DDC: variants seen among roughly 807,000 people sequenced by gnomAD.
DDC encodes aromatic-L-amino-acid decarboxylase.
DDC carries 43 observed loss-of-function variants against 60.0 expected under a neutral mutation model. The observed-to-expected ratio is 0.72, with a 90% CI of 0.56 to 0.92. DDC has a LOEUF of 0.92. Among genes scored for constraint, DDC ranks in the 40% least tolerant of loss-of-function variants. The pLI, the probability that DDC is intolerant of heterozygous loss-of-function variation, is 0.00. For missense variants in DDC, 573 were observed against 620.2 expected (o/e 0.92, Z 0.81); for synonymous variants, 232 against 234.6 (o/e 0.99, Z 0.10).
intron 6 of DDC, among the ~76,000 whole-genome samples, chr7:50,518,714 C>T (rs566961687): frequency 1.9e-4 from 29 of 152,330 alleles, no homozygotes; most frequent in African/African-American, 5.3e-4. Flanking sequence ...GCATCCTCAT[C>T]TCTCACCTTA....
intron 8 of DDC, among the ~76,000 whole-genome samples, chr7:50,496,620 G>C (rs1422294061): frequency 7.9e-5 from 12 of 152,154 alleles, no homozygotes; most frequent in African/African-American, 2.9e-4. Context: ...TCAAATGCAT[G>C]TCCTGGTTTA....
intron 6 of DDC, among the ~76,000 whole-genome samples, chr7:50,514,605 A>G (rs896226159): frequency 2.0e-5 from 3 of 152,238 alleles, no homozygotes; most frequent in Non-Finnish European, 2.9e-5. Flanking sequence ...AAGAGGAGAA[A>G]TATTCAAGGA....
rs10574868 is a variant in DDC, at chr7:50,537,037, G to GTTTTT, written c.435+818_435+822dup. ...AGTTCATATTCCATGCTAGGAAGTT[G>GTTTTT]TTTTTTTTTTTTTTTTTTAATGCAT... On this transcript the variant is annotated intron_variant, in intron 4 of 14. Transcript: ENST00000444124. Among the ~76,000 whole-genome samples the GTTTTT allele has an allele frequency of 1.7e-3, 235 of 140,384 alleles. 2 individuals are homozygous for GTTTTT. Among genetic ancestry groups the GTTTTT allele is most frequent in the South Asian group, 0.011 (46 of 4,266 alleles). 92.1% of individuals were successfully genotyped at this position (140,384 alleles called of 152,430 possible). A position where few individuals can be genotyped will look rare whatever the true frequency, so the allele number is the denominator to read the frequency against.
chr7:50,469,181 T>C (rs2042471137), intron 12 of DDC, among the ~76,000 whole-genome samples: 1 of 148,206 alleles, frequency 6.7e-6, no homozygotes, highest in South Asian at 2.1e-4. Flanking sequence ...CCTGACTTCA[T>C]GATCTGCCCA....
At chr7:50,466,272 G>A (rs898815582) in intron 13 of DDC, among the ~76,000 whole-genome samples, 3 of 152,174 alleles carry the variant, frequency 2.0e-5, no homozygotes, top group Non-Finnish European at 2.9e-5. Context: ...GGTGGATCAC[G>A]AGGTCAGAAG....
At chr7:50,515,776 T>C (rs552264894) in intron 6 of DDC, among the ~76,000 whole-genome samples, 3 of 152,342 alleles carry the variant, frequency 2.0e-5, no homozygotes, top group Admixed American at 2.0e-4. Context: ...GGGGTAGCTA[T>C]TCTTATATCA....
chr7:50,519,221 T>A (rs555076669), intron 6 of DDC, among the ~76,000 whole-genome samples: 15 of 152,154 alleles, frequency 9.9e-5, no homozygotes, highest in Non-Finnish European at 2.1e-4. Context: ...AGAATAGCCA[T>A]AATCAAAAAA....
At chr7:50,517,599 T>C (rs1585217880) in intron 6 of DDC, among the ~76,000 whole-genome samples, 1 of 151,984 alleles carries the variant, frequency 6.6e-6, no homozygotes, top group East Asian at 1.9e-4. Context: ...GAGAAAGAAA[T>C]AAAGGGCATC....
chr7:50,468,560 A>G (rs1469859518), intron 12 of DDC, among the ~76,000 whole-genome samples: 2 of 152,176 alleles, frequency 1.3e-5, no homozygotes, highest in African/African-American at 4.8e-5. Context: ...AGCTCCTGGA[A>G]CTGTCCTCAC....
intron 11 of DDC, among the ~76,000 whole-genome samples, chr7:50,475,324 A>G (rs1182845990): frequency 1.3e-5 from 2 of 152,224 alleles, no homozygotes; most frequent in African/African-American, 4.8e-5. Flanking sequence ...CAGATTGACA[A>G]TGGGATTATA....
intron 4 of DDC, among the ~76,000 whole-genome samples, chr7:50,532,048 TCAC>T (rs1347207585): frequency 4.6e-5 from 7 of 152,192 alleles, no homozygotes; most frequent in Non-Finnish European, 1.0e-4. Flanking sequence ...TTGTCCAGCC[TCAC>T]AACAACAGTT....
chr7:50,470,204 G>C (rs767123265), intron 11 of DDC, 33 bp from the exon 12 acceptor site: 3 of 1,474,030 alleles, frequency 2.0e-6, no homozygotes, highest in African/African-American at 2.8e-5. Flanking sequence ...CCATCAGTGA[G>C]GAAGATATTA....
At chr7:50,513,194 C>T (rs2043632160) in intron 6 of DDC, among the ~76,000 whole-genome samples, 1 of 152,206 alleles carries the variant, frequency 6.6e-6, no homozygotes, top group South Asian at 2.1e-4. Flanking sequence ...AGACCCTCCT[C>T]TCCTGAACAC....
chr7:50,499,294 G>T, intron 7 of DDC, 52 bp from the exon 8 acceptor site: 1 of 1,325,210 alleles, frequency 7.5e-7, no homozygotes, highest in Non-Finnish European at 1.1e-6. Context: ...TCACCACGGA[G>T]CCTGCCAGCT....
intron 6 of DDC, 27 bp downstream of exon 6, chr7:50,528,110 A>G (rs944637586): frequency 1.9e-6 from 3 of 1,611,474 alleles, no homozygotes; most frequent in African/African-American, 1.3e-5. Flanking sequence ...CTTATTGGCC[A>G]GGAGCCACAA....
chr7:50,556,799 G>C (rs761560091), intron 1 of DDC, among the ~76,000 whole-genome samples: 19 of 152,216 alleles, frequency 1.2e-4, no homozygotes, highest in Admixed American at 3.9e-4. Context: ...CCACAATCAA[G>C]TGGAGCTAAG....
intron 9 of DDC, among the ~76,000 whole-genome samples, chr7:50,492,024 T>C (rs551419666): frequency 6.6e-6 from 1 of 152,304 alleles, no homozygotes; most frequent in African/African-American, 2.4e-5. Context: ...GTGACTGGTG[T>C]CCTTATAAGA....
At chr7:50,536,790 C>T (rs933967933) in intron 4 of DDC, among the ~76,000 whole-genome samples, 1 of 152,208 alleles carries the variant, frequency 6.6e-6, no homozygotes, top group Non-Finnish European at 1.5e-5. Context: ...TTGCTAGTTT[C>T]GCGTGGCCAC....
intron 9 of DDC, among the ~76,000 whole-genome samples, chr7:50,491,957 T>A (rs2043006257): frequency 6.6e-6 from 1 of 152,198 alleles, no homozygotes; most frequent in Non-Finnish European, 1.5e-5. Context: ...AAATAAAACA[T>A]CTGAATTGAT....
Sources: allele counts gnomAD v4.1 joint callset (sites outside exome capture counted in the v4.1 genomes callset), GRCh38; gene constraint gnomAD v4.1.1; transcripts MANE v1.5; gene names NCBI Gene and HGNC (gene_info 2026-07-23, HGNC 2026-07-21).